Variants in COL27A1 observed in about 807,000 individuals in gnomAD.
The protein encoded by COL27A1 is collagen type XXVII alpha 1 chain.
In COL27A1, 106 loss-of-function variants were observed where a neutral mutation model predicts 251.3. The observed-to-expected ratio is 0.42, with a 90% CI of 0.36 to 0.50. The LOEUF is 0.50. Among genes scored for constraint, COL27A1 ranks in the 20% least tolerant of loss-of-function variants. The pLI is 0.00. For missense variants in COL27A1, 2,325 were observed against 2,522.8 expected, an observed-to-expected ratio of 0.92 and a Z score of 1.68; for synonymous variants, 1,000 against 986.3, an observed-to-expected ratio of 1.01 and a Z score of -0.26.
intron 57 of COL27A1, among the ~76,000 whole-genome samples, chr9:114,306,009 C>T (rs1345771916): frequency 6.6e-6 from 1 of 152,166 alleles, no homozygotes; most frequent in Non-Finnish European, 1.5e-5. Flanking sequence ...CCCTCCTGCC[C>T]CCTAGTGGAG....
chr9:114,292,098 T>C lies in COL27A1; in HGVS notation c.4477-5T>C. ...GACTGGTAATTTTTTGTGTGTTTCT[T>C]TAAGGGTGAGAGTGGGTTACCCGGA... On this transcript the variant is annotated splice_polypyrimidine_tract_variant and splice_region_variant and intron_variant, in intron 48 of 60. Transcript: ENST00000356083. The C allele has an allele frequency of 1.9e-6, 3 of 1,554,102 alleles. No individual in the cohort carries two copies. Among genetic ancestry groups the C allele is most frequent in the Middle Eastern group, 3.3e-4 (2 of 5,996 alleles).
intron 14 of COL27A1, among the ~76,000 whole-genome samples, chr9:114,223,684 T>C (rs183815110): frequency 6.6e-6 from 1 of 152,308 alleles, no homozygotes; most frequent in East Asian, 1.9e-4. Flanking sequence ...CCAGACCACC[T>C]AGGTTCAAAT....
chr9:114,283,793 G>A lies in COL27A1; in HGVS notation c.3933+31G>A, dbSNP rs374960780. On this transcript the variant is annotated intron_variant, in intron 40 of 60. Transcript: ENST00000356083. Reference sequence around the variant, plus strand: ...CAGATATCACCTCACCCCACCCCCCGACTCTGTCCTGCAGGCCTGGAAACA... The same window carrying A: ...CAGATATCACCTCACCCCACCCCCCAACTCTGTCCTGCAGGCCTGGAAACA... 6.2e-6 allele frequency: 10 copies of A among 1,609,364 alleles called. No individual in the cohort carries two copies. In the African/African-American group the frequency reaches 8.0e-5, roughly 13 times the overall value.
At chr9:114,185,363 G>T (rs988660635) in intron 5 of COL27A1, among the ~76,000 whole-genome samples, 3 of 152,244 alleles carry the variant, frequency 2.0e-5, no homozygotes, top group African/African-American at 7.2e-5. Flanking sequence ...GAAATGTCAT[G>T]CCCTTTGCCT....
chr9:114,243,193 C>A (rs998309516), intron 22 of COL27A1, among the ~76,000 whole-genome samples: 1 of 152,236 alleles, frequency 6.6e-6, no homozygotes, highest in African/African-American at 2.4e-5. Flanking sequence ...ACTGTTCCTT[C>A]CCTGCACCCC....
intron 55 of COL27A1, 129 bp from the exon 56 acceptor site, chr9:114,301,953 C>G (rs1828677109): frequency 7.7e-6 from 8 of 1,044,964 alleles, no homozygotes; most frequent in Admixed American, 1.9e-5. Flanking sequence ...GCCCACCAAG[C>G]CTCCGGGAAA....
intron 57 of COL27A1, 39 bp from the exon 58 acceptor site, chr9:114,306,481 G>C: frequency 6.2e-7 from 1 of 1,607,962 alleles, no homozygotes; most frequent in Non-Finnish European, 8.5e-7. Flanking sequence ...GCTGGACCAG[G>C]ACCCTAAGGT....
rs1253405974 is a variant in COL27A1, at chr9:114,168,253, G to C, written c.698G>C (p.Arg233Thr). The C allele has an allele frequency of 1.9e-6, 3 of 1,614,004 alleles. No individual in the cohort carries two copies. ...QVAHNYCTHL[R>T]KQCGQADTYQ... ...GCTCACAATTACTGTACCCACCTGA[G>C]GAAGCAGTGTGGACAGGCTGACACG... is the stretch of plus-strand genomic sequence containing the variant. Residue 233 changes from arginine to threonine, a missense_variant, in exon 3 of 61, where the codon AGG becomes ACG. Arg to Thr is a moderately conservative substitution (Grantham distance 71). This residue lies in a region of COL27A1 where 1,183 missense variants were observed against 1,144.1 expected (regional missense o/e 1.03). Transcript: ENST00000356083.
chr9:114,195,117 G>T (rs920617580), intron 6 of COL27A1, among the ~76,000 whole-genome samples: 2 of 152,138 alleles, frequency 1.3e-5, no homozygotes, highest in African/African-American at 4.8e-5. Flanking sequence ...CACACACCCT[G>T]GAAGCAATGC....
intron 57 of COL27A1, among the ~76,000 whole-genome samples, chr9:114,305,078 G>C (rs1194068099): frequency 6.6e-6 from 1 of 152,186 alleles, no homozygotes; most frequent in African/African-American, 2.4e-5. Context: ...CTAAGAACCT[G>C]CCCTGTGGTT....
Position 114,301,099 on chromosome 9 carries a change from G to A in COL27A1, c.4729G>A (p.Gly1577Arg), listed in dbSNP as rs1248510232. 1 of 1,613,120 alleles carries A rather than the reference G, an allele frequency of 6.2e-7. No individual in the cohort carries two copies. The highest frequency in any genetic ancestry group is 1.3e-5 in the African/African-American group (1 of 74,910). ...AAAGGAAGGCATCGTCGGGCCCCTC[G>A]GAATCCTGGGACCTTCGGGACTCCC... ...MGKEGIVGPL[G>R]ILGPSGLPGP... Residue 1577 changes from glycine to arginine, a missense_variant, in exon 52 of 61, where the codon GGA (glycine) becomes AGA (arginine). Coordinates refer to ENST00000356083, the MANE Select transcript of COL27A1 (RefSeq NM_032888.4).
At chr9:114,262,938 A>ATTTTTTTTTTTT (rs386415960) in intron 28 of COL27A1, among the ~76,000 whole-genome samples, 1 of 127,074 alleles carries the variant, frequency 7.9e-6, no homozygotes. Flanking sequence ...TCCTTGTTTG[A>ATTTTTTTTTTTT]TTTTTTTTTT....
chr9:114,295,883 GGTGATCC>G (rs1286071246), intron 49 of COL27A1, among the ~76,000 whole-genome samples: 1 of 152,144 alleles, frequency 6.6e-6, no homozygotes, highest in Non-Finnish European at 1.5e-5. Flanking sequence ...CCCAACCTCA[GGTGATCC>G]ACCACCTCGG....
intron 15 of COL27A1, 122 bp from the exon 16 acceptor site, chr9:114,231,700 A>T: frequency 1.1e-6 from 1 of 944,498 alleles, no homozygotes; most frequent in Non-Finnish European, 1.7e-6. Context: ...CCTTTTACAG[A>T]TGTGAACACT....
At chr9:114,277,582 C>T (rs373227096) in intron 37 of COL27A1, among the ~76,000 whole-genome samples, 2 of 152,218 alleles carry the variant, frequency 1.3e-5, no homozygotes, top group South Asian at 4.1e-4. Context: ...GCCAATCCCC[C>T]TAAACAGCTG....
chr9:114,295,829 G>A (rs1828224346), intron 49 of COL27A1, among the ~76,000 whole-genome samples: 1 of 152,066 alleles, frequency 6.6e-6, no homozygotes, highest in African/African-American at 2.4e-5. Flanking sequence ...TGTATTTTTA[G>A]TAGAGATGGG....
At chr9:114,274,109 G>A in intron 36 of COL27A1, 1 of 152,264 alleles carries the variant, frequency 6.6e-6, no homozygotes, top group Non-Finnish European at 1.5e-5. Flanking sequence ...AGGCATGGTG[G>A]CGCGTGCCTG....
rs2131708712 is a variant in COL27A1 at position 114,311,473 on chromosome 9, A to C, written c.*778A>C. 1 of 150,750 alleles carries C rather than the reference A, an allele frequency of 6.6e-6. No individual in the cohort carries two copies. The highest frequency in any genetic ancestry group is 2.0e-4 in the East Asian group (1 of 5,060). 9.3% of individuals were successfully genotyped at this position (150,750 alleles called of 1,614,324 possible). A position where few individuals can be genotyped will look rare whatever the true frequency, so the allele number is the denominator to read the frequency against. On this transcript the variant is annotated 3_prime_UTR_variant, in exon 61 of 61. Coordinates refer to ENST00000356083, the MANE Select transcript of COL27A1 (RefSeq NM_032888.4). ...TCCTCCAAATGACAAAGTTTGGGGA[A>C]TTTTTGAATTTTCCTAGCATCGCCC...
At chr9:114,307,622 C>T (rs760754246) in intron 58 of COL27A1, 47 bp from the exon 59 acceptor site, 1 of 1,330,944 alleles carries the variant, frequency 7.5e-7, no homozygotes. Context: ...AAGGAATGGG[C>T]TCATCCCCCA....
Sources: allele counts gnomAD v4.1 joint callset (sites outside exome capture counted in the v4.1 genomes callset), GRCh38; gene constraint gnomAD v4.1.1; regional missense constraint gnomAD v4.1.1; transcripts MANE v1.5; gene names NCBI Gene and HGNC (gene_info 2026-07-23, HGNC 2026-07-21).